The following BMP5 variants were observed in gnomAD, a reference collection of about 807,000 sequenced individuals.
BMP5 encodes bone morphogenetic protein 5.
In BMP5, 23 loss-of-function variants were observed where a neutral mutation model predicts 46.6. That is an observed-to-expected ratio of 0.49 (90% CI 0.35 to 0.70). The LOEUF (loss-of-function observed/expected upper bound fraction) is 0.70, where lower values mean the gene tolerates loss of function less well. Ranked by LOEUF, BMP5 falls within the 30% of genes least tolerant of loss-of-function variation. The probability of loss-of-function intolerance (pLI) is 0.00; values close to 1 mark genes in which losing one functional copy is unlikely to be tolerated. For synonymous variants in BMP5, 204 were observed against 191.9 expected (o/e 1.06, Z -0.52); for missense variants, 545 against 565.6 (o/e 0.96, Z 0.37).
chr6:55,769,521 C>T (rs1774997491), intron 4 of BMP5, among the ~76,000 whole-genome samples: 2 of 151,810 alleles, frequency 1.3e-5, no homozygotes, highest in Admixed American at 1.3e-4. Flanking sequence ...GCAATGATTT[C>T]CTCCACTGAA....
rs1339743056 is a variant in BMP5, at chr6:55,774,161, G to A, written c.915C>T (p.Phe305=). Residue 305 remains phenylalanine, a synonymous_variant, in exon 4 of 7, where the codon TTC becomes TTT. Transcript: ENST00000370830. ...ATCGAAGAAGTACCTCACTCGCCTT[G>A]AAGAAGGCCACCATGAATGGTTGTT... The part of the protein sequence containing the change: ...QSKQPFMVAF[F]KASEVLLRSV... The A allele has an allele frequency of 3.1e-6, 5 of 1,613,124 alleles. No homozygotes were observed. Among genetic ancestry groups the A allele is most frequent in the Non-Finnish European group, 4.2e-6 (5 of 1,179,430 alleles).
chr6:55,788,043 T>C (rs905929728), intron 3 of BMP5, among the ~76,000 whole-genome samples: 12 of 151,638 alleles, frequency 7.9e-5, no homozygotes, highest in African/African-American at 2.9e-4. Context: ...TCTATGAACA[T>C]TAAAATCCTG....
At chr6:55,833,147 T>C (rs1469582277) in intron 1 of BMP5, among the ~76,000 whole-genome samples, 1 of 152,106 alleles carries the variant, frequency 6.6e-6, no homozygotes, top group Non-Finnish European at 1.5e-5. Flanking sequence ...ATCAGAGATA[T>C]TATGAATATC....
chr6:55,758,264 A>G (rs1253799514), intron 6 of BMP5, among the ~76,000 whole-genome samples: 1 of 151,900 alleles, frequency 6.6e-6, no homozygotes, highest in Non-Finnish European at 1.5e-5. Context: ...TATGTTTTCT[A>G]GGAGCCTCTC....
chr6:55,825,598 T>C (rs1326743840), intron 1 of BMP5, among the ~76,000 whole-genome samples: 3 of 151,800 alleles, frequency 2.0e-5, no homozygotes, highest in Non-Finnish European at 4.4e-5. Flanking sequence ...TAATGACTGA[T>C]AGAAGTTGTT....
At chr6:55,758,454 A>C (rs1582040420) in intron 6 of BMP5, among the ~76,000 whole-genome samples, 1 of 151,926 alleles carries the variant, frequency 6.6e-6, no homozygotes, top group African/African-American at 2.4e-5. Flanking sequence ...AATCACTGCT[A>C]AGTTTCTGAG....
intron 4 of BMP5, among the ~76,000 whole-genome samples, chr6:55,769,134 T>C (rs1444841274): frequency 1.3e-5 from 2 of 151,926 alleles, no homozygotes; most frequent in Admixed American, 1.3e-4. Flanking sequence ...CTGTGGCAAT[T>C]TCTTAAAAGA....
intron 5 of BMP5, among the ~76,000 whole-genome samples, chr6:55,760,242 C>T (rs893253862): frequency 4.0e-5 from 6 of 151,788 alleles, no homozygotes; most frequent in African/African-American, 9.7e-5. Context: ...TCTCATTCAG[C>T]GTAGTTTTTT....
At chr6:55,801,114 T>A (rs1188506124) in intron 2 of BMP5, among the ~76,000 whole-genome samples, 1 of 152,252 alleles carries the variant, frequency 6.6e-6, no homozygotes, top group Non-Finnish European at 1.5e-5. Context: ...GGTGGTTTTA[T>A]ACTATATCAA....
intron 3 of BMP5, among the ~76,000 whole-genome samples, chr6:55,787,189 C>T (rs943742429): frequency 6.6e-6 from 1 of 151,530 alleles, no homozygotes; most frequent in East Asian, 1.9e-4. Flanking sequence ...ATTTGGAGCT[C>T]TTTCCCTGAG....
chr6:55,809,543 A>T (rs1259594559), intron 2 of BMP5, among the ~76,000 whole-genome samples: 6 of 152,138 alleles, frequency 3.9e-5, no homozygotes, highest in Non-Finnish European at 8.8e-5. Flanking sequence ...AAGAAAAGGA[A>T]TATTAACCCT....
intron 1 of BMP5, among the ~76,000 whole-genome samples, chr6:55,851,917 T>C (rs1276243256): frequency 1.3e-5 from 2 of 152,184 alleles, no homozygotes; most frequent in African/African-American, 2.4e-5. Flanking sequence ...TGCAAAGGTA[T>C]CTTGAGTGAA....
intron 1 of BMP5, among the ~76,000 whole-genome samples, chr6:55,861,977 G>C (rs183873657): frequency 7.2e-5 from 11 of 152,280 alleles, no homozygotes; most frequent in Non-Finnish European, 1.3e-4. Context: ...CTATAAAACT[G>C]AGTGACTTTA....
At chr6:55,857,047 T>C (rs1381389782) in intron 1 of BMP5, among the ~76,000 whole-genome samples, 2 of 152,192 alleles carry the variant, frequency 1.3e-5, no homozygotes, top group Non-Finnish European at 2.9e-5. Flanking sequence ...TTCATGATCA[T>C]AGTGACTTGT....
At chr6:55,821,264 G>C (rs1246205685) in intron 1 of BMP5, among the ~76,000 whole-genome samples, 1 of 152,120 alleles carries the variant, frequency 6.6e-6, no homozygotes, top group Non-Finnish European at 1.5e-5. Flanking sequence ...ATAATCTCTG[G>C]TTTATTTTCC....
intron 2 of BMP5, among the ~76,000 whole-genome samples, chr6:55,804,862 C>T (rs1775950463): frequency 6.6e-6 from 1 of 152,088 alleles, no homozygotes; most frequent in Non-Finnish European, 1.5e-5. Context: ...CATGAGGCTA[C>T]TTATAGGATG....
At chr6:55,785,716 T>C (rs1361620005) in intron 3 of BMP5, among the ~76,000 whole-genome samples, 1 of 151,654 alleles carries the variant, frequency 6.6e-6, no homozygotes, top group Non-Finnish European at 1.5e-5. Context: ...AGCCACATCT[T>C]TTAAATATTT....
At chr6:55,790,798 T>C (rs889569728) in intron 3 of BMP5, among the ~76,000 whole-genome samples, 4 of 152,220 alleles carry the variant, frequency 2.6e-5, no homozygotes, top group African/African-American at 9.6e-5. Flanking sequence ...AGGCCACCGC[T>C]ACCATGGCTC....
Position 55,795,750 on chromosome 6 carries a change from A to G in BMP5, c.684-1323T>C, listed in dbSNP as rs369263339. On this transcript the variant is annotated intron_variant, in intron 2 of 6. Transcript: ENST00000370830. ...AAGGAAATAATCTAAATATCCTAAT[A>G]CAAACTATGAATGTTTTATTGTCTT... 3.3e-5 allele frequency among the ~76,000 whole-genome samples: 5 copies of G among 152,318 alleles called. No homozygotes were observed. In the East Asian group the frequency reaches 7.7e-4, roughly 23 times the overall value.
Sources: allele counts gnomAD v4.1 joint callset (sites outside exome capture counted in the v4.1 genomes callset), GRCh38; gene constraint gnomAD v4.1.1; transcripts MANE v1.5; gene names NCBI Gene and HGNC (gene_info 2026-07-23, HGNC 2026-07-21).